RSPH14: variants seen among roughly 807,000 people sequenced by gnomAD.
RSPH14 encodes radial spoke head 14 homolog.
A neutral mutation model predicts 26.7 loss-of-function variants in RSPH14; 20 were observed. The ratio of observed to expected loss-of-function variants is 0.75; its 90% confidence interval spans 0.53 to 1.09. The LOEUF (loss-of-function observed/expected upper bound fraction) is 1.09, where lower values mean the gene tolerates loss of function less well. RSPH14 is among the 50% of genes least tolerant of loss of function. The pLI, the probability that RSPH14 is intolerant of heterozygous loss-of-function variation, is 0.00. For missense variants in RSPH14, 449 were observed against 457.2 expected (o/e 0.98, Z 0.16); for synonymous variants, 177 against 189.3 (o/e 0.93, Z 0.53).
chr22:23,117,474 G>A (rs558098814), intron 4 of RSPH14, among the ~76,000 whole-genome samples: 5 of 152,308 alleles, frequency 3.3e-5, no homozygotes, highest in South Asian at 2.1e-4. Flanking sequence ...CACTCCGTCC[G>A]GCTGAGCTGG....
At chr22:23,079,154 G>A (rs757692463) in intron 4 of RSPH14, among the ~76,000 whole-genome samples, 1 of 152,346 alleles carries the variant, frequency 6.6e-6, no homozygotes, top group Middle Eastern at 3.4e-3. Context: ...AAAGAGGTGG[G>A]CGATAAACAC....
intron 4 of RSPH14, among the ~76,000 whole-genome samples, chr22:23,084,902 A>G (rs967707558): frequency 6.6e-6 from 1 of 152,180 alleles, no homozygotes; most frequent in African/African-American, 2.4e-5. Flanking sequence ...CTACCATCGC[A>G]TGTCCAGGTG....
Position 23,137,674 on chromosome 22 carries a change from C to A in RSPH14, c.302+1166G>T, listed in dbSNP as rs1387855424. On this transcript the variant is annotated intron_variant, in intron 3 of 6. Transcript: ENST00000216036. ...GCAGTCAGCACCTTGCCTTTCTTGT[C>A]TTTTCTTCCTTCTGGGCCTGTGCAC... 1.2e-5 allele frequency: 6 copies of A among 503,336 alleles called. No individual in the cohort carries two copies. The East Asian group carries it at 2.1e-4, about 18-fold the overall frequency. 31.2% of individuals were successfully genotyped at this position (503,336 alleles called of 1,614,324 possible).
chr22:23,110,280 A>G (rs568599432), intron 4 of RSPH14, among the ~76,000 whole-genome samples: 61 of 151,936 alleles, frequency 4.0e-4, no homozygotes, highest in African/African-American at 1.5e-3. Flanking sequence ...TGAGCCCAGG[A>G]GCCTCTCACA....
the RSPH14 span, among the ~76,000 whole-genome samples, chr22:23,168,681 G>C: frequency 6.6e-6 from 1 of 152,178 alleles, no homozygotes; most frequent in African/African-American, 2.4e-5. Flanking sequence ...CTTCCAGGCA[G>C]CACAGACCCT....
chr22:23,134,218 C>A (rs1332211155), intron 3 of RSPH14, 74 bp from the exon 4 acceptor site: 2 of 1,153,406 alleles, frequency 1.7e-6, no homozygotes, highest in African/African-American at 3.1e-5. Context: ...GAGTCAGGGT[C>A]CCTGCTGGAG....
intron 4 of RSPH14, chr22:23,096,313 G>A: frequency 6.2e-7 from 1 of 1,614,022 alleles, no homozygotes; most frequent in Non-Finnish European, 8.5e-7. Flanking sequence ...GGGGGCAGAG[G>A]TCAGAGCGCA....
intron 4 of RSPH14, among the ~76,000 whole-genome samples, chr22:23,069,489 A>G (rs2068286668): frequency 6.6e-6 from 1 of 152,108 alleles, no homozygotes; most frequent in Non-Finnish European, 1.5e-5. Context: ...TGAAAACAGA[A>G]TTTTGCAGCC....
the RSPH14 span, among the ~76,000 whole-genome samples, chr22:23,155,641 C>G: frequency 6.6e-6 from 1 of 152,198 alleles, no homozygotes; most frequent in Non-Finnish European, 1.5e-5. Context: ...ATCTTCAGAG[C>G]GAGTCATGTC....
intron 3 of RSPH14, among the ~76,000 whole-genome samples, chr22:23,135,030 G>C (rs2070440272): frequency 6.6e-6 from 1 of 152,186 alleles, no homozygotes; most frequent in South Asian, 2.1e-4. Flanking sequence ...AGTTAGCCAG[G>C]CATGGTGGTG....
chr22:23,140,549 A>G, intron 1 of RSPH14, 77 bp from the exon 2 acceptor site: 6 of 1,436,764 alleles, frequency 4.2e-6, no homozygotes, highest in Non-Finnish European at 5.5e-6. Context: ...CCAAACTGTG[A>G]GGGCAGGCAA....
chr22:23,118,259 G>A (rs1249813896), intron 4 of RSPH14, among the ~76,000 whole-genome samples: 3 of 152,188 alleles, frequency 2.0e-5, no homozygotes, highest in African/African-American at 7.2e-5. Flanking sequence ...ATTCCCCGAC[G>A]CCAAGCAGTG....
chr22:23,096,474 A>G, intron 4 of RSPH14: 9 of 1,541,218 alleles, frequency 5.8e-6, no homozygotes, highest in Non-Finnish European at 7.9e-6. Flanking sequence ...GGTTCCTGGA[A>G]GCAAGAGGAC....
the RSPH14 span, chr22:23,156,330 A>C: frequency 6.4e-5 from 20 of 313,356 alleles, 2 homozygotes; most frequent in South Asian, 4.3e-4. Context: ...CCAGAGGCTC[A>C]GAGAAGGGCA....
chr22:23,133,629 G>A (rs1445046478), intron 4 of RSPH14, among the ~76,000 whole-genome samples: 1 of 151,544 alleles, frequency 6.6e-6, no homozygotes, highest in Admixed American at 6.6e-5. Flanking sequence ...TCGCACTGTC[G>A]CCCGGGCTAG....
intron 4 of RSPH14, among the ~76,000 whole-genome samples, chr22:23,099,037 C>G (rs2069212449): frequency 6.6e-6 from 1 of 152,266 alleles, no homozygotes. Context: ...TGCCAGGGCT[C>G]TGGACACGGC....
intron 4 of RSPH14, among the ~76,000 whole-genome samples, chr22:23,125,713 C>A (rs867764142): frequency 3.9e-5 from 6 of 152,300 alleles, no homozygotes; most frequent in Middle Eastern, 3.4e-3. Context: ...GGTCAGGGAG[C>A]AGTCAAGCCA....
chr22:23,177,773 A>G, the RSPH14 span, among the ~76,000 whole-genome samples: 436 of 152,290 alleles, frequency 2.9e-3, 3 homozygotes, highest in Non-Finnish European at 4.2e-3. Context: ...TGCCAAGAGA[A>G]CAGAGCATGC....
At chr22:23,100,640 C>T (rs1039202771) in intron 4 of RSPH14, among the ~76,000 whole-genome samples, 5 of 152,214 alleles carry the variant, frequency 3.3e-5, no homozygotes, top group South Asian at 2.1e-4. Flanking sequence ...CAGCACACCA[C>T]GAGGGCAGGT....
Sources: gnomAD v4.1 joint callset for allele counts (sites outside exome capture counted in the v4.1 genomes callset) on GRCh38, gnomAD v4.1.1 for gene constraint, MANE v1.5 for transcripts, NCBI Gene and HGNC (gene_info 2026-07-23, HGNC 2026-07-21) for gene names.